Variants in MAD1L1 observed in about 807,000 individuals in gnomAD.
MAD1L1 encodes mitotic spindle assembly checkpoint protein MAD1.
Under a neutral mutation model 96.9 loss-of-function variants are expected in MAD1L1, and 95 were observed. The observed-to-expected ratio is 0.98, with a 90% CI of 0.83 to 1.16. The LOEUF (loss-of-function observed/expected upper bound fraction) is 1.16. MAD1L1 is among the 50% of genes most tolerant of loss of function. The pLI is 0.00. For missense variants in MAD1L1, 1,007 were observed against 954.4 expected (o/e 1.06, Z -0.73); for synonymous variants, 473 against 396.6 (o/e 1.19, Z -2.29).
At chr7:1,986,356 C>G (rs1483813667) in intron 14 of MAD1L1, among the ~76,000 whole-genome samples, 1 of 151,744 alleles carries the variant, frequency 6.6e-6, no homozygotes, top group South Asian at 2.1e-4. Context: ...GAACCACACG[C>G]CAGTCCAGCT....
At chr7:1,896,095 G>A (rs1484906031) in intron 18 of MAD1L1, among the ~76,000 whole-genome samples, 2 of 152,210 alleles carry the variant, frequency 1.3e-5, no homozygotes, top group East Asian at 1.9e-4. Flanking sequence ...GCAGGGCTGG[G>A]GAGCTGGCCA....
chr7:2,120,629 T>C (rs1787931554), intron 11 of MAD1L1, among the ~76,000 whole-genome samples: 1 of 152,270 alleles, frequency 6.6e-6, no homozygotes, highest in South Asian at 2.1e-4. Context: ...CCAGGAACTG[T>C]GTCTTCTGTT....
At chr7:2,228,905 T>C (rs75237840) in intron 3 of MAD1L1, among the ~76,000 whole-genome samples, 3,719 of 152,106 alleles carry the variant, frequency 0.024, 155 homozygotes, top group African/African-American at 0.085. Context: ...AGCTAATTTT[T>C]TGTATTTTTA....
intron 11 of MAD1L1, among the ~76,000 whole-genome samples, chr7:2,118,069 C>T (rs905018926): frequency 1.3e-5 from 2 of 152,198 alleles, no homozygotes; most frequent in Non-Finnish European, 2.9e-5. Context: ...CTAGGAGGCT[C>T]CAGCCCATCA....
In MAD1L1 at chr7:2,216,138, A is replaced by G. The variant is rs1584572330; in HGVS notation, c.809+19T>C. ...CAGACTCACTCGAGGCGGCTGCCCCATCCCCCGCAACCCCTCACCGCAGGT... is the reference window on the plus strand; with the variant it reads ...CAGACTCACTCGAGGCGGCTGCCCCGTCCCCCGCAACCCCTCACCGCAGGT... On this transcript the variant is annotated intron_variant, in intron 8 of 18. Transcript: ENST00000265854. 1 of 1,610,798 alleles carries G rather than the reference A, an allele frequency of 6.2e-7. No homozygotes were observed. The highest frequency in any genetic ancestry group is 8.5e-7 in the Non-Finnish European group (1 of 1,179,124).
At chr7:2,147,543 A>C (rs893106629) in intron 11 of MAD1L1, among the ~76,000 whole-genome samples, 1 of 152,192 alleles carries the variant, frequency 6.6e-6, no homozygotes, top group Non-Finnish European at 1.5e-5. Flanking sequence ...CGCAGTACTG[A>C]GGACCTCGTC....
At chr7:2,016,457 G>A (rs572310593) in intron 12 of MAD1L1, among the ~76,000 whole-genome samples, 24 of 152,248 alleles carry the variant, frequency 1.6e-4, no homozygotes, top group Admixed American at 3.9e-4. Context: ...CCTTCCGTGC[G>A]GCCTCCTGAG....
intron 17 of MAD1L1, among the ~76,000 whole-genome samples, chr7:1,934,578 A>C (rs1320475838): frequency 7.3e-6 from 1 of 137,882 alleles, no homozygotes; most frequent in South Asian, 2.4e-4. Context: ...CAAACACACG[A>C]GCGAACCCGA....
intron 11 of MAD1L1, among the ~76,000 whole-genome samples, chr7:2,086,596 C>A (rs925537910): frequency 3.3e-5 from 5 of 152,222 alleles, no homozygotes; most frequent in African/African-American, 1.2e-4. Flanking sequence ...TCTTGTCCCC[C>A]AGAGCTGGAG....
At chr7:1,935,545 G>A (rs530991914) in intron 17 of MAD1L1, among the ~76,000 whole-genome samples, 6 of 152,274 alleles carry the variant, frequency 3.9e-5, no homozygotes, top group Non-Finnish European at 8.8e-5. Context: ...CAAGAGGGAG[G>A]GAAGACCCCA....
At chr7:1,939,087 G>A (rs145772701) in intron 16 of MAD1L1, among the ~76,000 whole-genome samples, 60 of 126,472 alleles carry the variant, frequency 4.7e-4, no homozygotes, top group Non-Finnish European at 7.8e-4. Flanking sequence ...GACCAGAGGC[G>A]CGCACACACA....
chr7:1,952,088 C>T (rs73290595), intron 16 of MAD1L1, among the ~76,000 whole-genome samples: 5,156 of 152,270 alleles, frequency 0.034, 191 homozygotes, highest in East Asian at 0.087. Flanking sequence ...GCAGGAATTA[C>T]CTAAGTGATC....
chr7:2,042,652 G>A (rs1021903416), intron 12 of MAD1L1, among the ~76,000 whole-genome samples: 8 of 152,218 alleles, frequency 5.3e-5, no homozygotes, highest in African/African-American at 1.9e-4. Context: ...AGTGAGGAGT[G>A]TTGTTGGAAA....
chr7:2,196,411 C>A (rs1396733595), intron 10 of MAD1L1, among the ~76,000 whole-genome samples: 1 of 152,188 alleles, frequency 6.6e-6, no homozygotes, highest in African/African-American at 2.4e-5. Context: ...CATTCATATC[C>A]AACAAGGCCG....
intron 17 of MAD1L1, among the ~76,000 whole-genome samples, chr7:1,927,090 C>A (rs765711921): frequency 2.6e-5 from 4 of 152,144 alleles, no homozygotes; most frequent in Non-Finnish European, 5.9e-5. Flanking sequence ...GCACTGAACA[C>A]CTGGGACCCA....
chr7:2,079,620 G>C (rs566721633), intron 11 of MAD1L1: 6 of 470,820 alleles, frequency 1.3e-5, no homozygotes, highest in African/African-American at 1.2e-4. Context: ...TGAAATGTGA[G>C]AAGGAAAATT....
chr7:1,894,021 G>A (rs1211425951), intron 18 of MAD1L1, among the ~76,000 whole-genome samples: 2 of 152,208 alleles, frequency 1.3e-5, no homozygotes, highest in Non-Finnish European at 2.9e-5. Flanking sequence ...GTCTGGCAGA[G>A]CCCTAGACTG....
chr7:2,104,621 C>T (rs1269544525), intron 11 of MAD1L1, among the ~76,000 whole-genome samples: 3 of 152,202 alleles, frequency 2.0e-5, no homozygotes. Context: ...GAATTTACTC[C>T]TCGTTAAATT....
At chr7:2,033,798 C>T (rs1783340630) in intron 12 of MAD1L1, among the ~76,000 whole-genome samples, 2 of 152,354 alleles carry the variant, frequency 1.3e-5, no homozygotes, top group Middle Eastern at 3.4e-3. Context: ...CACCCTTCCA[C>T]TCAGTAACAA....
Sources: allele counts gnomAD v4.1 joint callset (sites outside exome capture counted in the v4.1 genomes callset), GRCh38; gene constraint gnomAD v4.1.1; transcripts MANE v1.5; gene names NCBI Gene and HGNC (gene_info 2026-07-23, HGNC 2026-07-21).